The following OPCML variants were observed in gnomAD, a reference collection of about 807,000 sequenced individuals.
The protein encoded by OPCML is opioid-binding protein/cell adhesion molecule.
OPCML carries 13 observed loss-of-function variants against 37.8 expected under a neutral mutation model. That is an observed-to-expected ratio of 0.34 (90% CI 0.22 to 0.55). OPCML has a LOEUF of 0.55. Ranked by LOEUF, OPCML falls within the 20% of genes least tolerant of loss-of-function variation. The pLI, the probability that OPCML is intolerant of heterozygous loss-of-function variation, is 0.91. For synonymous variants in OPCML, 176 were observed against 168.8 expected (o/e 1.04, Z -0.33); for missense variants, 341 against 435.6 (o/e 0.78, Z 1.93).
intron 1 of OPCML, among the ~76,000 whole-genome samples, chr11:133,376,153 A>G (rs1364823584): frequency 6.6e-6 from 1 of 152,172 alleles, no homozygotes; most frequent in Non-Finnish European, 1.5e-5. Flanking sequence ...AGATTCAGTA[A>G]GAGATCATAA....
intron 1 of OPCML, among the ~76,000 whole-genome samples, chr11:133,484,280 A>G (rs999001677): frequency 2.0e-5 from 3 of 152,060 alleles, no homozygotes; most frequent in African/African-American, 7.2e-5. Flanking sequence ...TCAAAGAATA[A>G]CTCCATAAAT....
At chr11:133,386,358 T>C (rs1437485474) in intron 1 of OPCML, among the ~76,000 whole-genome samples, 1 of 152,252 alleles carries the variant, frequency 6.6e-6, no homozygotes, top group Admixed American at 6.5e-5. Context: ...CCACTTCCTC[T>C]TTCAAGAGCC....
At chr11:132,757,915 T>A (rs1946114573) in intron 2 of OPCML, among the ~76,000 whole-genome samples, 2 of 152,066 alleles carry the variant, frequency 1.3e-5, no homozygotes, top group Admixed American at 1.3e-4. Context: ...TTCTTCTAGG[T>A]TTTTTTATGG....
chr11:132,613,920 T>TTC, intron 3 of OPCML, among the ~76,000 whole-genome samples: 1 of 152,076 alleles, frequency 6.6e-6, no homozygotes, highest in Non-Finnish European at 1.5e-5. Flanking sequence ...ATTTGTTGAG[T>TTC]TCTCAAGTGC....
chr11:133,045,028 A>C (rs1947980591), intron 1 of OPCML, among the ~76,000 whole-genome samples: 1 of 152,098 alleles, frequency 6.6e-6, no homozygotes, highest in South Asian at 2.1e-4. Context: ...GAATCCACAA[A>C]AGTCATCTTT....
chr11:132,486,275 G>A (rs1325846787), intron 4 of OPCML, among the ~76,000 whole-genome samples: 6 of 152,268 alleles, frequency 3.9e-5, no homozygotes, highest in Admixed American at 3.3e-4. Context: ...CAGCATGAAG[G>A]AGTGATGCAC....
chr11:133,033,654 T>C (rs1331415030), intron 1 of OPCML, among the ~76,000 whole-genome samples: 1 of 152,244 alleles, frequency 6.6e-6, no homozygotes. Flanking sequence ...TGCATTATTT[T>C]TTGAATAGAG....
chr11:133,059,930 G>T (rs1335050299), intron 1 of OPCML, among the ~76,000 whole-genome samples: 1 of 152,152 alleles, frequency 6.6e-6, no homozygotes, highest in East Asian at 1.9e-4. Flanking sequence ...ATAGAATTTT[G>T]GAAAACTTTA....
At chr11:132,928,446 C>A (rs1945074709) in intron 2 of OPCML, among the ~76,000 whole-genome samples, 1 of 151,890 alleles carries the variant, frequency 6.6e-6, no homozygotes, top group South Asian at 2.1e-4. Flanking sequence ...AACATATATA[C>A]TAAATAGCAG....
chr11:132,690,374 C>A (rs138189358), intron 2 of OPCML, among the ~76,000 whole-genome samples: 1 of 152,188 alleles, frequency 6.6e-6, no homozygotes, highest in Admixed American at 6.5e-5. Flanking sequence ...ACATCTCTAA[C>A]AAGATTAGAT....
At chr11:132,443,867 T>G (rs986175455) in intron 4 of OPCML, among the ~76,000 whole-genome samples, 7 of 152,210 alleles carry the variant, frequency 4.6e-5, no homozygotes, top group African/African-American at 1.7e-4. Context: ...CCCTCCAGGA[T>G]TTTGGCTAAT....
intron 2 of OPCML, among the ~76,000 whole-genome samples, chr11:132,941,211 A>C (rs1945565877): frequency 6.6e-6 from 1 of 152,200 alleles, no homozygotes; most frequent in African/African-American, 2.4e-5. Flanking sequence ...GCTAATAAAA[A>C]ATTGGTAGAT....
intron 1 of OPCML, chr11:133,422,976 A>G: frequency 1.0e-6 from 1 of 985,386 alleles, no homozygotes; most frequent in Non-Finnish European, 1.2e-6. Context: ...ATAATGAGAC[A>G]GTGTGTACAA....
At chr11:133,179,637 C>T (rs1333976796) in intron 1 of OPCML, among the ~76,000 whole-genome samples, 1 of 152,138 alleles carries the variant, frequency 6.6e-6, no homozygotes, top group African/African-American at 2.4e-5. Context: ...GCTCAGAGTC[C>T]ACAGAGATGT....
chr11:133,377,691 CCTTT>C (rs889533712), intron 1 of OPCML, among the ~76,000 whole-genome samples: 4 of 150,714 alleles, frequency 2.7e-5, no homozygotes, highest in African/African-American at 9.8e-5. Flanking sequence ...TCTACCTCTT[CCTTT>C]GTTTGGGTCT....
intron 1 of OPCML, among the ~76,000 whole-genome samples, chr11:133,389,180 C>T (rs964361207): frequency 1.3e-5 from 2 of 152,186 alleles, no homozygotes; most frequent in African/African-American, 4.8e-5. Flanking sequence ...GATGTCCATG[C>T]CTGCCAAAAT....
intron 4 of OPCML, among the ~76,000 whole-genome samples, chr11:132,513,532 G>C (rs4937707): frequency 0.2 from 30,351 of 151,956 alleles, 3,099 homozygotes; most frequent in Non-Finnish European, 0.22. Flanking sequence ...ATTACAACAA[G>C]TTCATACTTT....
intron 1 of OPCML, among the ~76,000 whole-genome samples, chr11:133,426,726 G>T (rs1316499154): frequency 6.6e-6 from 1 of 152,190 alleles, no homozygotes; most frequent in Non-Finnish European, 1.5e-5. Flanking sequence ...TCTTTTAGAT[G>T]CTCCCTGGTC....
chr11:133,161,729 T>C (rs1427427920), intron 1 of OPCML, among the ~76,000 whole-genome samples: 3 of 152,250 alleles, frequency 2.0e-5, no homozygotes, highest in African/African-American at 4.8e-5. Context: ...TATATAATCT[T>C]GAGTGGGATA....
Sources: allele counts gnomAD v4.1 joint callset (sites outside exome capture counted in the v4.1 genomes callset), GRCh38; gene constraint gnomAD v4.1.1; transcripts MANE v1.5; gene names NCBI Gene and HGNC (gene_info 2026-07-23, HGNC 2026-07-21).